SLC2A13: variants seen among roughly 807,000 people sequenced by gnomAD.
The protein encoded by SLC2A13 is proton myo-inositol cotransporter.
In SLC2A13, 32 loss-of-function variants were observed where a neutral mutation model predicts 64.4. That is an observed-to-expected ratio of 0.50 (90% CI 0.37 to 0.67). The LOEUF (loss-of-function observed/expected upper bound fraction) is 0.67. SLC2A13 is among the 30% of genes least tolerant of loss of function. The probability of loss-of-function intolerance (pLI) is 0.00; values close to 1 mark genes in which losing one functional copy is unlikely to be tolerated. For synonymous variants in SLC2A13, 338 were observed against 327.1 expected, an observed-to-expected ratio of 1.03 and a Z score of -0.36; for missense variants, 743 against 829.2, an observed-to-expected ratio of 0.90 and a Z score of 1.28.
intron 4 of SLC2A13, among the ~76,000 whole-genome samples, chr12:39,910,718 G>A (rs1179066850): frequency 1.3e-5 from 2 of 152,030 alleles, no homozygotes; most frequent in Non-Finnish European, 2.9e-5. Context: ...GAGGGGCTAT[G>A]TATGACTATA....
chr12:40,034,675 T>C (rs575489290), intron 2 of SLC2A13, among the ~76,000 whole-genome samples: 3 of 152,348 alleles, frequency 2.0e-5, no homozygotes, highest in African/African-American at 7.2e-5. Flanking sequence ...ATGTATTCTT[T>C]AAAATTCTAT....
chr12:39,780,812 T>C (rs749619422), intron 7 of SLC2A13, among the ~76,000 whole-genome samples: 2 of 152,190 alleles, frequency 1.3e-5, no homozygotes, highest in South Asian at 4.1e-4. Flanking sequence ...TTTTCTCTGA[T>C]ACAGTCATGA....
chr12:39,775,962 T>C (rs1019089734), intron 7 of SLC2A13, among the ~76,000 whole-genome samples: 1 of 152,188 alleles, frequency 6.6e-6, no homozygotes, highest in Non-Finnish European at 1.5e-5. Context: ...CTCAAAAAGC[T>C]TGGAATTTTG....
At chr12:39,784,681 T>G (rs1941121551) in intron 7 of SLC2A13, among the ~76,000 whole-genome samples, 1 of 152,198 alleles carries the variant, frequency 6.6e-6, no homozygotes, top group Non-Finnish European at 1.5e-5. Context: ...ACTTCATGAC[T>G]AAAACACCAA....
At chr12:39,791,048 C>A (rs1941383663) in intron 7 of SLC2A13, among the ~76,000 whole-genome samples, 1 of 131,734 alleles carries the variant, frequency 7.6e-6, no homozygotes, top group Non-Finnish European at 1.6e-5. Flanking sequence ...ATGTCCTTTG[C>A]CCACTTTTTG....
intron 2 of SLC2A13, among the ~76,000 whole-genome samples, chr12:40,040,933 T>C (rs1421271031): frequency 1.3e-5 from 2 of 151,804 alleles, no homozygotes; most frequent in Admixed American, 6.6e-5. Context: ...AAGCATCTTA[T>C]TGACATGGAT....
chr12:39,871,674 AT>A, intron 5 of SLC2A13, 123 bp downstream of exon 5: 13 of 1,003,034 alleles, frequency 1.3e-5, no homozygotes, highest in South Asian at 3.0e-5. Flanking sequence ...AAGAACTCTA[AT>A]TTTTTTGTTG....
intron 4 of SLC2A13, among the ~76,000 whole-genome samples, chr12:39,931,983 C>A (rs890189086): frequency 6.6e-6 from 1 of 151,924 alleles, no homozygotes; most frequent in Non-Finnish European, 1.5e-5. Flanking sequence ...TGTAGCTGTT[C>A]TTTTCTTTCA....
chr12:39,919,980 TGA>T (rs1945587050), intron 4 of SLC2A13, among the ~76,000 whole-genome samples: 1 of 152,020 alleles, frequency 6.6e-6, no homozygotes, highest in African/African-American at 2.4e-5. Flanking sequence ...TTATTATCTC[TGA>T]GTAATATTTT....
intron 4 of SLC2A13, among the ~76,000 whole-genome samples, chr12:39,906,548 T>G (rs1264020115): frequency 6.6e-6 from 1 of 152,142 alleles, no homozygotes; most frequent in Non-Finnish European, 1.5e-5. Context: ...CAGTTTTAAC[T>G]TGAAAGAAAC....
At chr12:40,051,393 A>G (rs1055938758) in intron 1 of SLC2A13, among the ~76,000 whole-genome samples, 9 of 152,188 alleles carry the variant, frequency 5.9e-5, no homozygotes, top group African/African-American at 2.2e-4. Context: ...AGCAGCATCC[A>G]TTAATCAGTG....
intron 5 of SLC2A13, among the ~76,000 whole-genome samples, chr12:39,866,298 A>G (rs201235152): frequency 6.6e-6 from 1 of 152,170 alleles, no homozygotes; most frequent in East Asian, 1.9e-4. Context: ...CATTATGGGT[A>G]CAGAGGTGAC....
intron 1 of SLC2A13, among the ~76,000 whole-genome samples, chr12:40,065,182 A>C (rs1349899134): frequency 6.6e-6 from 1 of 152,202 alleles, no homozygotes; most frequent in African/African-American, 2.4e-5. Flanking sequence ...GAATATCGAC[A>C]TGAAAATAAA....
chr12:39,766,856 G>A (rs1940369420), intron 7 of SLC2A13, among the ~76,000 whole-genome samples: 1 of 152,030 alleles, frequency 6.6e-6, no homozygotes, highest in African/African-American at 2.4e-5. Context: ...CACATCTTTA[G>A]GCTTCGCTTC....
chr12:39,905,195 G>A (rs1257497779), intron 4 of SLC2A13, among the ~76,000 whole-genome samples: 1 of 152,066 alleles, frequency 6.6e-6, no homozygotes, highest in Non-Finnish European at 1.5e-5. Context: ...ATAATACTCT[G>A]AACACTGTAC....
At chr12:40,000,189 T>C (rs1473497559) in intron 3 of SLC2A13, among the ~76,000 whole-genome samples, 1 of 152,208 alleles carries the variant, frequency 6.6e-6, no homozygotes, top group Non-Finnish European at 1.5e-5. Context: ...TCCCCAGCTA[T>C]GTGGTACTGT....
intron 1 of SLC2A13, among the ~76,000 whole-genome samples, chr12:40,070,046 C>T (rs1405417782): frequency 6.6e-6 from 1 of 151,882 alleles, no homozygotes; most frequent in African/African-American, 2.4e-5. Context: ...AAGTATATTC[C>T]CTCAGAAAGG....
chr12:39,981,069 T>G (rs1018601884), intron 3 of SLC2A13, among the ~76,000 whole-genome samples: 1 of 151,862 alleles, frequency 6.6e-6, no homozygotes, highest in African/African-American at 2.4e-5. Flanking sequence ...TGCTCCTGAA[T>G]GACTACTGGG....
At chr12:39,957,677 G>A (rs777902778) in intron 3 of SLC2A13, among the ~76,000 whole-genome samples, 3 of 152,170 alleles carry the variant, frequency 2.0e-5, no homozygotes, top group Non-Finnish European at 4.4e-5. Flanking sequence ...GGTCCTGCGT[G>A]CTATCAGGGG....
Sources: gnomAD v4.1 joint callset for allele counts (sites outside exome capture counted in the v4.1 genomes callset) on GRCh38, gnomAD v4.1.1 for gene constraint, MANE v1.5 for transcripts, NCBI Gene and HGNC (gene_info 2026-07-23, HGNC 2026-07-21) for gene names.